Variants in GALNT13 observed in about 807,000 individuals in gnomAD.
GALNT13 encodes polypeptide N-acetylgalactosaminyltransferase 13.
In GALNT13, 28 loss-of-function variants were observed where a neutral mutation model predicts 64.2. That is an observed-to-expected ratio of 0.44 (90% CI 0.32 to 0.60). The LOEUF is 0.60. GALNT13 is among the 20% of genes least tolerant of loss of function. GALNT13 has a pLI of 0.05. For missense variants in GALNT13, 577 were observed against 669.8 expected (o/e 0.86, Z 1.53); for synonymous variants, 214 against 224.6 (o/e 0.95, Z 0.42).
chr2:153,794,439 A>C, the GALNT13 span, among the ~76,000 whole-genome samples: 1 of 152,182 alleles, frequency 6.6e-6, no homozygotes, highest in African/African-American at 2.4e-5. Flanking sequence ...ACCTGCAGCT[A>C]AACACAATTG....
the GALNT13 span, among the ~76,000 whole-genome samples, chr2:153,329,465 C>G: frequency 2.0e-5 from 3 of 152,170 alleles, no homozygotes; most frequent in African/African-American, 4.8e-5. Flanking sequence ...TTATCATAGC[C>G]AGTCTGACTG....
At chr2:153,154,950 T>G in the GALNT13 span, among the ~76,000 whole-genome samples, 4 of 152,318 alleles carry the variant, frequency 2.6e-5, no homozygotes, top group African/African-American at 9.6e-5. Flanking sequence ...ATGTTGAATT[T>G]TATTGAAAGC....
the GALNT13 span, among the ~76,000 whole-genome samples, chr2:153,257,721 G>A: frequency 6.6e-6 from 1 of 152,034 alleles, no homozygotes; most frequent in African/African-American, 2.4e-5. Flanking sequence ...CCTTTGACCT[G>A]CTTTCTCTAG....
chr2:154,354,890 G>C (rs560319571), intron 9 of GALNT13, among the ~76,000 whole-genome samples: 30 of 151,874 alleles, frequency 2.0e-4, no homozygotes, highest in African/African-American at 6.8e-4. Context: ...TCTTCTACTC[G>C]AATGCCAGTG....
At chr2:153,922,648 T>G (rs1574122252) in intron 2 of GALNT13, among the ~76,000 whole-genome samples, 1 of 152,186 alleles carries the variant, frequency 6.6e-6, no homozygotes, top group East Asian at 1.9e-4. Context: ...CTTAGGTAGG[T>G]GATAATCCTT....
intron 9 of GALNT13, among the ~76,000 whole-genome samples, chr2:154,328,433 C>G (rs1256829802): frequency 3.3e-5 from 5 of 152,060 alleles, no homozygotes; most frequent in Non-Finnish European, 7.4e-5. Flanking sequence ...TTCCCTGCTG[C>G]CAATTATGGA....
At chr2:154,299,776 T>A (rs1192636438) in intron 8 of GALNT13, among the ~76,000 whole-genome samples, 1 of 151,922 alleles carries the variant, frequency 6.6e-6, no homozygotes, top group Non-Finnish European at 1.5e-5. Flanking sequence ...AATACGTTGA[T>A]TATTTAAGAA....
At chr2:154,402,732 A>G (rs1699354567) in intron 10 of GALNT13, among the ~76,000 whole-genome samples, 1 of 152,218 alleles carries the variant, frequency 6.6e-6, no homozygotes, top group Non-Finnish European at 1.5e-5. Flanking sequence ...TAATGACATG[A>G]CCAAGCCATT....
intron 9 of GALNT13, among the ~76,000 whole-genome samples, chr2:154,378,236 C>T (rs756001684): frequency 1.3e-5 from 2 of 152,132 alleles, no homozygotes; most frequent in Non-Finnish European, 2.9e-5. Flanking sequence ...TTCTGCTATA[C>T]TTGCTCAATA....
chr2:153,897,391 GTTTTGCAT>G (rs1687957438), intron 1 of GALNT13, among the ~76,000 whole-genome samples: 1 of 151,980 alleles, frequency 6.6e-6, no homozygotes, highest in African/African-American at 2.4e-5. Flanking sequence ...GGTTAATTCT[GTTTTGCAT>G]TTTTGACAGG....
At chr2:153,188,062 C>A in the GALNT13 span, among the ~76,000 whole-genome samples, 14 of 151,650 alleles carry the variant, frequency 9.2e-5, no homozygotes, top group Admixed American at 9.2e-4. Flanking sequence ...CTTTTTTAAT[C>A]TAATAAAGAG....
chr2:153,964,585 T>TA (rs1221402389), intron 3 of GALNT13, among the ~76,000 whole-genome samples: 1 of 152,152 alleles, frequency 6.6e-6, no homozygotes, highest in Non-Finnish European at 1.5e-5. Context: ...TGTAATGATA[T>TA]AAAATTCATT....
At chr2:153,442,659 C>T in the GALNT13 span, among the ~76,000 whole-genome samples, 1 of 152,162 alleles carries the variant, frequency 6.6e-6, no homozygotes, top group Non-Finnish European at 1.5e-5. Context: ...GCCCCTTCCC[C>T]CAGGTGCTCT....
At chr2:154,430,314 G>A (rs114591588) in intron 11 of GALNT13, among the ~76,000 whole-genome samples, 1 of 152,202 alleles carries the variant, frequency 6.6e-6, no homozygotes, top group Non-Finnish European at 1.5e-5. Flanking sequence ...AACAATATCA[G>A]GAGTTTGGGA....
At chr2:153,278,091 T>A in the GALNT13 span, among the ~76,000 whole-genome samples, 1 of 151,232 alleles carries the variant, frequency 6.6e-6, no homozygotes, top group Non-Finnish European at 1.5e-5. Flanking sequence ...CACTCCCAGC[T>A]AATTTTTTGT....
the GALNT13 span, among the ~76,000 whole-genome samples, chr2:153,655,811 C>G: frequency 6.6e-6 from 1 of 152,032 alleles, no homozygotes; most frequent in African/African-American, 2.4e-5. Flanking sequence ...ATGTTTATTT[C>G]CTTGTTTGCT....
chr2:153,393,429 C>T, the GALNT13 span, among the ~76,000 whole-genome samples: 2 of 152,074 alleles, frequency 1.3e-5, no homozygotes, highest in East Asian at 3.9e-4. Flanking sequence ...TTCCTAAGAA[C>T]TTAGGTTATA....
chr2:154,287,823 T>C (rs942763577), intron 8 of GALNT13, among the ~76,000 whole-genome samples: 2 of 152,070 alleles, frequency 1.3e-5, no homozygotes, highest in African/African-American at 2.4e-5. Context: ...TATTTTCCTA[T>C]TTCTTCATTT....
At chr2:153,125,465 C>T in the GALNT13 span, among the ~76,000 whole-genome samples, 12 of 152,256 alleles carry the variant, frequency 7.9e-5, no homozygotes, top group Non-Finnish European at 1.0e-4. Context: ...AGTCTGAGAG[C>T]GTTAATGGAA....
Sources: gnomAD v4.1 joint callset for allele counts (sites outside exome capture counted in the v4.1 genomes callset) on GRCh38, gnomAD v4.1.1 for gene constraint, MANE v1.5 for transcripts, NCBI Gene and HGNC (gene_info 2026-07-23, HGNC 2026-07-21) for gene names.